SYNE1: variants seen among roughly 807,000 people sequenced by gnomAD.
SYNE1 encodes the protein nesprin-1.
SYNE1 carries 616 observed loss-of-function variants against 1,111.0 expected under a neutral mutation model. The ratio of observed to expected loss-of-function variants is 0.55; its 90% CI spans 0.52 to 0.59. The LOEUF (loss-of-function observed/expected upper bound fraction) is 0.59. SYNE1 is among the 20% of genes least tolerant of loss of function. The probability of loss-of-function intolerance (pLI) is 0.00; values close to 1 mark genes in which losing one functional copy is unlikely to be tolerated. For missense variants in SYNE1, 10,006 were observed against 10,417.0 expected (o/e 0.96, Z 1.72); for synonymous variants, 3,855 against 3,825.8 (o/e 1.01, Z -0.28).
In SYNE1 at chr6:152,385,701, G is replaced by A. The variant is rs759736838; in HGVS notation, c.8625C>T (p.Ala2875=). 41 of 1,613,972 alleles carry A rather than the reference G, an allele frequency of 2.5e-5. No homozygotes were observed. Among genetic ancestry groups the A allele is most frequent in the Non-Finnish European group, 3.4e-5 (40 of 1,179,996 alleles). ...TAATTTTTGATAACTTTTTCTGGGT[G>A]GCTGATGAATCTCCAGACATATCTG... The part of the protein sequence containing the change: ...RWSDMSGDSS[A]TQKKLSKIKE... Residue 2875 remains alanine, a synonymous_variant, in exon 55 of 146, where the codon GCC becomes GCT. Transcript: ENST00000367255.
rs1257253941 is a variant in SYNE1, at chr6:152,444,314, A to G, written c.3837+97T>C. On this transcript the variant is annotated intron_variant, in intron 30 of 145. Coordinates refer to ENST00000367255, the MANE Select transcript of SYNE1 (RefSeq NM_182961.4). ...TCTTCCTTCCCATGCCCCCTCACCC[A>G]CTCTCTCAAGCCAGTGGTTGTATTC... 6.4e-6 allele frequency: 9 copies of G among 1,398,288 alleles called. No homozygotes were observed. In the South Asian group the frequency reaches 9.3e-5, roughly 14 times the overall value. The allele number at this position is 1,398,288 out of a possible 1,614,324, so 86.6% of individuals were successfully genotyped here.
rs1271799463 is a variant in SYNE1 at position 152,461,713 on chromosome 6, C to T, written c.2278G>A (p.Asp760Asn). The T allele has an allele frequency of 2.5e-6, 4 of 1,613,950 alleles. No individual in the cohort carries two copies. Among genetic ancestry groups the T allele is most frequent in the Non-Finnish European group, 3.4e-6 (4 of 1,179,936 alleles). Reference protein sequence around the residue: ...EDIEQRVPVMDAQYKIITKTA... With the variant: ...EDIEQRVPVMNAQYKIITKTA... ...TTTGTAATTATCTTGTATTGGGCAT[C>T]CATCACAGGCACCCTCTGCTCAATA... is the stretch of plus-strand genomic sequence containing the variant. Residue 760 changes from aspartate to asparagine, a missense_variant, in exon 21 of 146, where the codon GAT becomes AAT. Coordinates refer to ENST00000367255, the MANE Select transcript of SYNE1 (RefSeq NM_182961.4).
At chr6:152,438,678 A>G (rs2098499019) in intron 32 of SYNE1, among the ~76,000 whole-genome samples, 1 of 152,182 alleles carries the variant, frequency 6.6e-6, no homozygotes, top group Admixed American at 6.5e-5. Context: ...AAGATTAAAC[A>G]TGACATTGCT....
At chr6:152,171,646 A>T (rs2065234949) in intron 130 of SYNE1, among the ~76,000 whole-genome samples, 1 of 152,178 alleles carries the variant, frequency 6.6e-6, no homozygotes, top group South Asian at 2.1e-4. Flanking sequence ...GCCCAGGAAG[A>T]GAGAATAGAA....
intron 127 of SYNE1, among the ~76,000 whole-genome samples, chr6:152,192,500 C>T (rs1055682913): frequency 5.9e-5 from 9 of 152,154 alleles, no homozygotes; most frequent in African/African-American, 2.2e-4. Flanking sequence ...GAGACAGAGT[C>T]TCAGTCTGTC....
Position 152,387,127 on chromosome 6 carries a change from T to C in SYNE1, c.8432A>G (p.Asp2811Gly). The C allele has an allele frequency of 6.2e-7, 1 of 1,614,204 alleles. No individual in the cohort carries two copies. The highest frequency in any genetic ancestry group is 1.1e-5 in the South Asian group (1 of 91,086). The change falls in exon 54 of 146, where the codon GAC (aspartate) becomes GGC (glycine). Residue 2811 changes from aspartate to glycine, a missense_variant. Physicochemically the swap from Asp to Gly is moderately conservative, Grantham distance 94 (BLOSUM62 -1). Transcript: ENST00000367255. The part of the protein sequence containing the change: ...YEKTEDESFK[D>G]TAQEELKTQF... ...TGTTTTCAGCTCCTCTTGAGCTGTG[T>C]CCTTGAAAGACTCATCCTCTGTCTT...
At chr6:152,623,880 A>C (rs2099680765) in intron 3 of SYNE1, among the ~76,000 whole-genome samples, 1 of 152,188 alleles carries the variant, frequency 6.6e-6, no homozygotes, top group Non-Finnish European at 1.5e-5. Context: ...TTACATTTTC[A>C]TCAATTATTT....
intron 140 of SYNE1, among the ~76,000 whole-genome samples, chr6:152,138,447 GT>G (rs1427195195): frequency 6.6e-6 from 1 of 151,708 alleles, no homozygotes; most frequent in Non-Finnish European, 1.5e-5. Flanking sequence ...GGAGACGGAG[GT>G]TACAGTGAGC....
At chr6:152,176,675 A>C (rs964134357) in intron 129 of SYNE1, 115 bp from the exon 130 acceptor site, 1 of 1,048,568 alleles carries the variant, frequency 9.5e-7, no homozygotes, top group Non-Finnish European at 1.5e-6. Context: ...TAGTTTGAGC[A>C]TAGGAATACC....
chr6:152,413,985 AATATATAT>A (rs3046241), intron 41 of SYNE1, among the ~76,000 whole-genome samples: 23,449 of 145,520 alleles, frequency 0.16, 2,009 homozygotes, highest in East Asian at 0.36. Context: ...AGCTCTGCAG[AATATATAT>A]ATATATATAT....
At chr6:152,258,239 A>G (rs1201401620) in intron 101 of SYNE1, among the ~76,000 whole-genome samples, 1 of 152,210 alleles carries the variant, frequency 6.6e-6, no homozygotes, top group African/African-American at 2.4e-5. Context: ...GTTATTTGAC[A>G]ATGAAATTAA....
intron 114 of SYNE1, 36 bp downstream of exon 114, chr6:152,231,355 C>T (rs770516607): frequency 6.2e-7 from 1 of 1,612,720 alleles, no homozygotes; most frequent in South Asian, 1.1e-5. Flanking sequence ...TTGGGGTTTT[C>T]ATGTAAATCT....
chr6:152,256,192 G>A (rs745497766), intron 102 of SYNE1, among the ~76,000 whole-genome samples: 41 of 151,980 alleles, frequency 2.7e-4, no homozygotes, highest in Middle Eastern at 6.8e-3. Context: ...AGGCTGAGGC[G>A]GGCGGATCAC....
At chr6:152,597,706 G>T (rs1461991843) in intron 3 of SYNE1, among the ~76,000 whole-genome samples, 1 of 152,134 alleles carries the variant, frequency 6.6e-6, no homozygotes, top group Non-Finnish European at 1.5e-5. Flanking sequence ...TACTTGTAAT[G>T]AATTCTTTCT....
chr6:152,213,550 C>G lies in SYNE1; in HGVS notation c.22494+62G>C. ...ATTTTAATTCTCCCACACAGCATTT[C>G]GTAGCATCTTCTAAGGGCCTAAAAA... is the stretch of plus-strand genomic sequence containing the variant. On this transcript the variant is annotated intron_variant, in intron 123 of 145. Transcript: ENST00000367255. 3 of 1,568,606 alleles carry G rather than the reference C, an allele frequency of 1.9e-6. No homozygotes were observed. In the South Asian group the frequency reaches 3.3e-5, roughly 17 times the overall value.
At chr6:152,124,231 G>A (rs1221219397) in intron 145 of SYNE1, among the ~76,000 whole-genome samples, 8 of 152,246 alleles carry the variant, frequency 5.3e-5, no homozygotes, top group East Asian at 3.9e-4. Flanking sequence ...GCTTGAACCC[G>A]GGAGGCGGAG....
At chr6:152,475,562 A>G in intron 14 of SYNE1, among the ~76,000 whole-genome samples, 1 of 152,372 alleles carries the variant, frequency 6.6e-6, no homozygotes, top group East Asian at 1.9e-4. Context: ...ACCATCTATA[A>G]TTAATTGCAT....
intron 3 of SYNE1, among the ~76,000 whole-genome samples, chr6:152,543,324 G>GGTA (rs2099282052): frequency 6.6e-6 from 1 of 152,062 alleles, no homozygotes; most frequent in Non-Finnish European, 1.5e-5. Flanking sequence ...GTAGTCAGCT[G>GGTA]AATTCTAGGT....
chr6:152,580,884 G>C (rs755326475), intron 3 of SYNE1, among the ~76,000 whole-genome samples: 1 of 152,168 alleles, frequency 6.6e-6, no homozygotes, highest in African/African-American at 2.4e-5. Flanking sequence ...ATTTGTTACA[G>C]AGCCACAAAT....
Sources: allele counts gnomAD v4.1 joint callset (sites outside exome capture counted in the v4.1 genomes callset), GRCh38; gene constraint gnomAD v4.1.1; transcripts MANE v1.5; gene names NCBI Gene and HGNC (gene_info 2026-07-23, HGNC 2026-07-21).